SLC2A13: variants seen among roughly 807,000 people sequenced by gnomAD.
SLC2A13 encodes proton myo-inositol cotransporter.
In SLC2A13, 32 loss-of-function variants were observed where a neutral mutation model predicts 64.4. That is an observed-to-expected ratio of 0.50 (90% CI 0.37 to 0.67). SLC2A13 has a LOEUF of 0.67. SLC2A13 is among the 30% of genes least tolerant of loss of function. The probability of loss-of-function intolerance (pLI) is 0.00; values close to 1 mark genes in which losing one functional copy is unlikely to be tolerated. For missense variants in SLC2A13, 743 were observed against 829.2 expected, an observed-to-expected ratio of 0.90 and a Z score of 1.28; for synonymous variants, 338 against 327.1, an observed-to-expected ratio of 1.03 and a Z score of -0.36.
At chr12:39,918,302 A>AT (rs1017064247) in intron 4 of SLC2A13, among the ~76,000 whole-genome samples, 1 of 151,554 alleles carries the variant, frequency 6.6e-6, no homozygotes, top group African/African-American at 2.4e-5. Flanking sequence ...ATGTAACTAA[A>AT]TTTTTTTTGG....
intron 3 of SLC2A13, among the ~76,000 whole-genome samples, chr12:39,977,748 C>G (rs1002682081): frequency 6.6e-6 from 1 of 152,192 alleles, no homozygotes; most frequent in African/African-American, 2.4e-5. Flanking sequence ...AATCCAGAGG[C>G]AAGCATTATT....
At chr12:39,811,544 T>G (rs1340496606) in intron 7 of SLC2A13, among the ~76,000 whole-genome samples, 3 of 152,168 alleles carry the variant, frequency 2.0e-5, no homozygotes, top group Admixed American at 2.0e-4. Flanking sequence ...TCTAATTACC[T>G]TGTGATGTCC....
intron 3 of SLC2A13, among the ~76,000 whole-genome samples, chr12:39,951,831 T>G (rs1049231063): frequency 2.0e-5 from 3 of 152,172 alleles, no homozygotes; most frequent in Non-Finnish European, 4.4e-5. Flanking sequence ...AAGAACAAAA[T>G]TCATGTTATT....
chr12:39,902,862 C>T (rs1945169294), intron 4 of SLC2A13, among the ~76,000 whole-genome samples: 1 of 152,002 alleles, frequency 6.6e-6, no homozygotes, highest in African/African-American at 2.4e-5. Context: ...AATAAGCAAC[C>T]AGGAAATAAA....
intron 4 of SLC2A13, among the ~76,000 whole-genome samples, chr12:39,882,376 C>G (rs149895012): frequency 6.6e-6 from 1 of 152,176 alleles, no homozygotes; most frequent in Non-Finnish European, 1.5e-5. Context: ...GCTACCATCA[C>G]GTTCATCATT....
At chr12:39,867,111 A>C (rs1943930847) in intron 5 of SLC2A13, among the ~76,000 whole-genome samples, 1 of 152,204 alleles carries the variant, frequency 6.6e-6, no homozygotes, top group African/African-American at 2.4e-5. Flanking sequence ...CCTCTCTCCT[A>C]AAACAAAACA....
intron 7 of SLC2A13, among the ~76,000 whole-genome samples, chr12:39,771,341 G>A (rs576818539): frequency 6.6e-6 from 1 of 152,172 alleles, no homozygotes; most frequent in Non-Finnish European, 1.5e-5. Flanking sequence ...TTCCAGTGCT[G>A]TTGAGCTGAA....
At chr12:39,797,534 T>C (rs1941615145) in intron 7 of SLC2A13, among the ~76,000 whole-genome samples, 1 of 152,172 alleles carries the variant, frequency 6.6e-6, no homozygotes, top group African/African-American at 2.4e-5. Flanking sequence ...TCTTGTAAAG[T>C]AGCTAAATAT....
chr12:39,863,258 C>T (rs908215040), intron 6 of SLC2A13, among the ~76,000 whole-genome samples: 4 of 152,112 alleles, frequency 2.6e-5, no homozygotes, highest in African/African-American at 7.2e-5. Context: ...TCATAAACTG[C>T]TGTGCAGTGA....
At chr12:40,048,293 C>T (rs574381835) in intron 1 of SLC2A13, 83 bp from the exon 2 acceptor site, 3 of 1,358,784 alleles carry the variant, frequency 2.2e-6, no homozygotes, top group South Asian at 1.6e-5. Context: ...TTTAGGCATA[C>T]ACTTACATAT....
chr12:39,879,220 C>T (rs1380251144), intron 4 of SLC2A13, among the ~76,000 whole-genome samples: 5 of 152,238 alleles, frequency 3.3e-5, no homozygotes, highest in Non-Finnish European at 7.3e-5. Flanking sequence ...GCAGAGCCCT[C>T]ACAGAGAACC....
rs1315102794 is a variant in SLC2A13, at chr12:39,759,988, A to C, written c.*38T>G. ...CACCAATTGCTGTTCTTCTCCCCCC[A>C]GTTTGTTTAAATAACTAAATATATG... On this transcript the variant is annotated 3_prime_UTR_variant, in exon 10 of 10. Transcript: ENST00000280871. 3 of 1,519,348 alleles carry C rather than the reference A, an allele frequency of 2.0e-6. No homozygotes were observed. Among genetic ancestry groups the C allele is most frequent in the South Asian group, 2.3e-5 (2 of 88,038 alleles). The allele number at this position is 1,519,348 out of a possible 1,614,324, so 94.1% of individuals were successfully genotyped here. A position where few individuals can be genotyped will look rare whatever the true frequency, so the allele number is the denominator to read the frequency against.
intron 1 of SLC2A13, among the ~76,000 whole-genome samples, chr12:40,060,462 C>T (rs952717791): frequency 7.9e-5 from 12 of 152,082 alleles, no homozygotes; most frequent in East Asian, 1.9e-4. Context: ...CAGAAATCAA[C>T]GCAGAAAGGA....
chr12:40,053,336 T>A (rs1245063309), intron 1 of SLC2A13, among the ~76,000 whole-genome samples: 1 of 148,598 alleles, frequency 6.7e-6, no homozygotes, highest in African/African-American at 2.5e-5. Context: ...ACTGATATAA[T>A]TTATTATCCC....
At chr12:40,068,773 A>C (rs1011025832) in intron 1 of SLC2A13, among the ~76,000 whole-genome samples, 1 of 152,186 alleles carries the variant, frequency 6.6e-6, no homozygotes, top group African/African-American at 2.4e-5. Context: ...ACAAAAAAAA[A>C]AAATCATAGA....
chr12:40,105,889 G>A lies in SLC2A13; in HGVS notation c.-81C>T. 1 of 1,262,790 alleles carries A rather than the reference G, an allele frequency of 7.9e-7. No homozygotes were observed. Among genetic ancestry groups the A allele is most frequent in the Non-Finnish European group, 1.0e-6 (1 of 1,002,092 alleles). The allele number at this position is 1,262,790 out of a possible 1,614,324, so 78.2% of individuals were successfully genotyped here. On this transcript the variant is annotated 5_prime_UTR_variant, in exon 1 of 10. Coordinates refer to ENST00000280871, the MANE Select transcript of SLC2A13 (RefSeq NM_052885.4). The surrounding 1 kb of genome is among the most constrained non-coding windows in gnomAD (Gnocchi z 4.2). ...GGCGAGCTAGACAGCCCGAGCCGGC[G>A]GGAGCAACCGCCGCTGCCGCCGCTT...
rs184345082 is a variant in SLC2A13 at position 39,877,496 on chromosome 12, C to A, written c.1035-5535G>T. ...AGAGGTGATTTGGGTGGGGACACAG[C>A]CAAACCGTATCAATAACTATCACAA... On this transcript the variant is annotated intron_variant, in intron 4 of 9. Coordinates refer to ENST00000280871, the MANE Select transcript of SLC2A13 (RefSeq NM_052885.4). 9.7e-3 allele frequency among the ~76,000 whole-genome samples: 1,481 copies of A among 152,222 alleles called. 41 individuals are homozygous for A. Among genetic ancestry groups the A allele is most frequent in the Non-Finnish European group, 8.0e-3 (546 of 68,018 alleles).
At chr12:40,051,159 T>G (rs757572610) in intron 1 of SLC2A13, among the ~76,000 whole-genome samples, 5 of 152,074 alleles carry the variant, frequency 3.3e-5, no homozygotes, top group Non-Finnish European at 7.4e-5. Context: ...AACTTCAAAA[T>G]AACATGGTAA....
chr12:39,880,071 C>T (rs541634043), intron 4 of SLC2A13, among the ~76,000 whole-genome samples: 2 of 152,292 alleles, frequency 1.3e-5, no homozygotes, highest in South Asian at 4.1e-4. Context: ...CTTGCTCTTG[C>T]TTTTGCCATG....
Sources: allele counts gnomAD v4.1 joint callset (sites outside exome capture counted in the v4.1 genomes callset), GRCh38; gene constraint gnomAD v4.1.1; non-coding constraint Gnocchi (gnomAD v3.1); transcripts MANE v1.5; gene names NCBI Gene and HGNC (gene_info 2026-07-23, HGNC 2026-07-21).